NAALADL2: variants seen among roughly 807,000 people sequenced by gnomAD.
NAALADL2 encodes N-acetylated alpha-linked acidic dipeptidase like 2.
NAALADL2 carries 76 observed loss-of-function variants against 87.2 expected under a neutral mutation model. The ratio of observed to expected loss-of-function variants is 0.87; its 90% CI spans 0.72 to 1.05. The LOEUF is 1.05. Ranked by LOEUF, NAALADL2 falls within the 50% of genes least tolerant of loss-of-function variation. NAALADL2 has a pLI of 0.00. For synonymous variants in NAALADL2, 354 were observed against 331.0 expected (o/e 1.07, Z -0.75); for missense variants, 1,089 against 945.8 (o/e 1.15, Z -1.99).
intron 9 of NAALADL2, among the ~76,000 whole-genome samples, chr3:175,521,178 C>G (rs1191408755): frequency 6.6e-6 from 1 of 151,512 alleles, no homozygotes; most frequent in Non-Finnish European, 1.5e-5. Flanking sequence ...TTATTTGTCT[C>G]AAGGGAGTAT....
chr3:175,532,771 A>C (rs1734261097), intron 9 of NAALADL2, among the ~76,000 whole-genome samples: 1 of 152,150 alleles, frequency 6.6e-6, no homozygotes, highest in African/African-American at 2.4e-5. Context: ...ATTGTATTTA[A>C]ATTTTGCAGC....
In NAALADL2 at chr3:175,374,553, GAAAAAAAAA is replaced by G. The variant is rs765485400; in HGVS notation, c.1090+50252_1090+50260del. On this transcript the variant is annotated intron_variant, in intron 5 of 13. Coordinates refer to ENST00000454872, the MANE Select transcript of NAALADL2 (RefSeq NM_207015.3). ...AGTGCTGAGTACCACTGCATCTCCAGAAAAAAAAAAAAAAAAAAAAAAAAAAAAAAAAGA... is the reference window on the plus strand; with the variant it reads ...AGTGCTGAGTACCACTGCATCTCCAGAAAAAAAAAAAAAAAAAAAAAAAGA... Among the ~76,000 whole-genome samples the G allele has an allele frequency of 4.6e-3, 207 of 45,424 alleles. 4 individuals carry two copies. The highest frequency in any genetic ancestry group is 0.071 in the Middle Eastern group (1 of 14). 29.8% of individuals were successfully genotyped at this position (45,424 alleles called of 152,430 possible). A position where few individuals can be genotyped will look rare whatever the true frequency, so the allele number is the denominator to read the frequency against.
chr3:174,461,876 A>G (rs936934911), intron 1 of NAALADL2, among the ~76,000 whole-genome samples: 9 of 152,008 alleles, frequency 5.9e-5, no homozygotes, highest in Admixed American at 1.3e-4. Flanking sequence ...TTGTTCTTCA[A>G]ATATCTGTAT....
At chr3:174,842,107 A>G (rs978532712) in intron 3 of NAALADL2, among the ~76,000 whole-genome samples, 2 of 148,238 alleles carry the variant, frequency 1.3e-5, no homozygotes, top group African/African-American at 5.0e-5. Flanking sequence ...GCTGCAGTGC[A>G]TTGGCGTGAT....
At chr3:174,525,202 C>T (rs889319417) in intron 1 of NAALADL2, among the ~76,000 whole-genome samples, 3 of 152,172 alleles carry the variant, frequency 2.0e-5, no homozygotes, top group Non-Finnish European at 4.4e-5. Flanking sequence ...CAGATGAAAA[C>T]TCGAGACAGT....
intron 4 of NAALADL2, among the ~76,000 whole-genome samples, chr3:175,260,131 A>G (rs942089470): frequency 3.3e-5 from 5 of 152,300 alleles, no homozygotes; most frequent in East Asian, 1.9e-4. Flanking sequence ...TACAGATAAT[A>G]TTTACATTAT....
At chr3:175,050,843 C>A (rs1238837802) in intron 1 of NAALADL2, among the ~76,000 whole-genome samples, 1 of 152,022 alleles carries the variant, frequency 6.6e-6, no homozygotes, top group Non-Finnish European at 1.5e-5. Context: ...AATGTAGCTT[C>A]AAAACTATGT....
intron 2 of NAALADL2, among the ~76,000 whole-genome samples, chr3:174,647,005 CTAAT>C (rs1295581474): frequency 6.6e-6 from 1 of 152,072 alleles, no homozygotes; most frequent in Non-Finnish European, 1.5e-5. Context: ...TCTTTTCCTA[CTAAT>C]TAGTCTAAGG....
intron 10 of NAALADL2, among the ~76,000 whole-genome samples, chr3:175,594,832 C>T (rs964420059): frequency 6.6e-6 from 1 of 151,816 alleles, no homozygotes; most frequent in African/African-American, 2.4e-5. Flanking sequence ...TGCCATTTGC[C>T]CATTTTTTAA....
At chr3:174,821,608 TGGA>T (rs1163993443) in intron 3 of NAALADL2, among the ~76,000 whole-genome samples, 1 of 152,162 alleles carries the variant, frequency 6.6e-6, no homozygotes, top group African/African-American at 2.4e-5. Context: ...TAGCTAGGCC[TGGA>T]GGAGATTTGG....
chr3:174,858,194 A>AG (rs1205175853), upstream of NAALADL2, among the ~76,000 whole-genome samples: 2 of 148,194 alleles, frequency 1.3e-5, no homozygotes, highest in Non-Finnish European at 3.0e-5. Context: ...AATTTGTAAA[A>AG]TATTAATATA....
At chr3:175,455,231 T>C (rs1471281765) in intron 6 of NAALADL2, among the ~76,000 whole-genome samples, 2 of 152,042 alleles carry the variant, frequency 1.3e-5, no homozygotes, top group African/African-American at 4.8e-5. Flanking sequence ...TTCAATTGGG[T>C]AAACTAAACC....
intron 3 of NAALADL2, among the ~76,000 whole-genome samples, chr3:174,800,593 C>A (rs566347195): frequency 7.9e-4 from 120 of 152,300 alleles, no homozygotes; most frequent in African/African-American, 2.7e-3. Context: ...GCCCCTCCCC[C>A]CCAACAGAGT....
At chr3:175,455,292 C>T (rs1001036010) in intron 6 of NAALADL2, among the ~76,000 whole-genome samples, 3 of 152,018 alleles carry the variant, frequency 2.0e-5, no homozygotes, top group Non-Finnish European at 4.4e-5. Flanking sequence ...AGAGGTACTT[C>T]TCCTGGGGTA....
At chr3:174,666,920 G>T (rs1726005062) in intron 2 of NAALADL2, among the ~76,000 whole-genome samples, 1 of 152,060 alleles carries the variant, frequency 6.6e-6, no homozygotes, top group Non-Finnish European at 1.5e-5. Flanking sequence ...TATGTAAGTG[G>T]AATCATACAG....
At chr3:174,479,141 A>G (rs375030360) in intron 1 of NAALADL2, among the ~76,000 whole-genome samples, 23 of 152,326 alleles carry the variant, frequency 1.5e-4, no homozygotes, top group African/African-American at 4.1e-4. Flanking sequence ...ACATTTCGTC[A>G]TCTTATAGTC....
intron 4 of NAALADL2, among the ~76,000 whole-genome samples, chr3:175,293,094 T>A (rs761949497): frequency 2.7e-5 from 4 of 150,262 alleles, no homozygotes; most frequent in Non-Finnish European, 5.9e-5. Flanking sequence ...CTGAAAAGAT[T>A]TAGTGTAATT....
chr3:175,510,963 G>C (rs1006138667), intron 9 of NAALADL2, among the ~76,000 whole-genome samples: 1 of 152,112 alleles, frequency 6.6e-6, no homozygotes, highest in Non-Finnish European at 1.5e-5. Flanking sequence ...TGTTACTATG[G>C]TGATGATGTT....
rs147985230 is a variant in NAALADL2 at position 175,141,056 on chromosome 3, G to A, written c.545+43765G>A. On this transcript the variant is annotated intron_variant, in intron 2 of 13. Coordinates refer to ENST00000454872, the MANE Select transcript of NAALADL2 (RefSeq NM_207015.3). ...AATATCATGGAGGATAAAGGAGTCC[G>A]TAAACATGTAATATGGTAGATATGG... 3.7e-3 allele frequency among the ~76,000 whole-genome samples: 570 copies of A among 152,202 alleles called. 2 individuals carry two copies. Among genetic ancestry groups the A allele is most frequent in the African/African-American group, 0.013 (529 of 41,548 alleles).
Sources: allele counts gnomAD v4.1 joint callset (sites outside exome capture counted in the v4.1 genomes callset), GRCh38; gene constraint gnomAD v4.1.1; transcripts MANE v1.5; gene names NCBI Gene and HGNC (gene_info 2026-07-23, HGNC 2026-07-21).